The following U2AF2 variants were observed in gnomAD, a reference collection of about 807,000 sequenced individuals.
U2AF2 encodes the protein U2 small nuclear RNA auxiliary factor 2.
Under a neutral mutation model 52.6 loss-of-function variants are expected in U2AF2, and 6 were observed. The observed-to-expected ratio is 0.11, with a 90% CI of 0.06 to 0.23. The LOEUF (loss-of-function observed/expected upper bound fraction) is 0.23. U2AF2 is among the 10% of genes least tolerant of loss of function. The probability of loss-of-function intolerance (pLI) is 1.00; values close to 1 mark genes in which losing one functional copy is unlikely to be tolerated. For synonymous variants in U2AF2, 284 were observed against 258.2 expected (o/e 1.10, Z -0.96); for missense variants, 222 against 677.1 (o/e 0.33, Z 7.46).
Position 55,660,516 on chromosome 19 carries a change from T to TC in U2AF2, c.232dup (p.Arg78ProfsTer13). The TC allele has an allele frequency of 1.4e-6, 1 of 715,592 alleles. No homozygotes were observed. The highest frequency in any genetic ancestry group is 2.1e-6 in the Non-Finnish European group (1 of 483,074). 44.3% of individuals were successfully genotyped at this position (715,592 alleles called of 1,614,324 possible). On this transcript the variant is annotated frameshift_variant and splice_region_variant, in exon 4 of 12. Transcript: ENST00000308924. LOFTEE classifies it high-confidence loss of function. ...CGCTCTCCCCTCCCACCTCCCCCAG[T>TC]CGTTCCCCCCGCCACGAGAAGAAGA...
rs1457128147 is a variant in U2AF2, at chr19:55,655,076, T to C, written c.-29T>C. On this transcript the variant is annotated 5_prime_UTR_variant, in exon 1 of 12. Transcript: ENST00000308924. ...GCGGGCGGCAAGGCGAGGCGAAAGC[T>C]GCACAGGGCCCTACGCGGCCGCCTC... is the stretch of plus-strand genomic sequence containing the variant. 2 of 1,606,002 alleles carry C rather than the reference T, an allele frequency of 1.2e-6. No homozygotes were observed. Among genetic ancestry groups the C allele is most frequent in the East Asian group, 2.3e-5 (1 of 43,818 alleles).
At chr19:55,658,615 C>G (rs547179544) in intron 1 of U2AF2, among the ~76,000 whole-genome samples, 30 of 152,248 alleles carry the variant, frequency 2.0e-4, no homozygotes, top group Non-Finnish European at 3.5e-4. Context: ...GGCCTCTTTC[C>G]CCTTCAGTCT....
At chr19:55,664,874 T>C (rs554314878) in intron 7 of U2AF2, among the ~76,000 whole-genome samples, 9 of 152,036 alleles carry the variant, frequency 5.9e-5, no homozygotes, top group African/African-American at 1.2e-4. Context: ...CCTGCCACCA[T>C]GTCTGGCTAA....
At chr19:55,660,930 A>C in intron 4 of U2AF2, 108 bp from the exon 5 acceptor site, 2 of 1,474,486 alleles carry the variant, frequency 1.4e-6, no homozygotes, top group Non-Finnish European at 1.8e-6. Flanking sequence ...TAAGACCGAG[A>C]GCCTGTAGGA....
Position 55,659,181 on chromosome 19 carries a change from C to G in U2AF2, c.50-29C>G, listed in dbSNP as rs1983991059. On this transcript the variant is annotated intron_variant, in intron 1 of 11. Coordinates refer to ENST00000308924, the MANE Select transcript of U2AF2 (RefSeq NM_007279.3). ...GGGCCCGCATCCTTACTCCGCTTAT[C>G]CCGTGCCCCTCCTCTCACCCTTGCC... 2.0e-6 allele frequency: 3 copies of G among 1,521,682 alleles called. No homozygotes were observed. In the African/African-American group the frequency reaches 4.2e-5, roughly 21 times the overall value. The allele number at this position is 1,521,682 out of a possible 1,614,324, so 94.3% of individuals were successfully genotyped here.
Position 55,662,629 on chromosome 19 carries a change from GGAGT to G in U2AF2, c.603+19_603+22del, listed in dbSNP as rs751548861. The G allele has an allele frequency of 3.1e-6, 5 of 1,610,800 alleles. No individual in the cohort carries two copies. The South Asian group carries it at 5.5e-5, about 18-fold the overall frequency. On this transcript the variant is annotated intron_variant, in intron 6 of 11. Coordinates refer to ENST00000308924, the MANE Select transcript of U2AF2 (RefSeq NM_007279.3). The stretch of plus-strand genomic sequence containing the variant: ...TTTGCCTTTTTGGAGGTGAGCTGGG[GGAGT>G]GAGTGAGGTCCAGGAAACGTGTGTG...
intron 1 of U2AF2, 88 bp downstream of exon 1, chr19:55,655,241 C>T (rs978133491): frequency 6.3e-6 from 9 of 1,436,684 alleles, no homozygotes; most frequent in African/African-American, 4.4e-5. Context: ...TCGCTTCCCC[C>T]CACTTCACGG....
At chr19:55,667,937 T>C (rs760880588) in intron 7 of U2AF2, among the ~76,000 whole-genome samples, 7 of 152,092 alleles carry the variant, frequency 4.6e-5, no homozygotes, top group East Asian at 1.9e-4. Context: ...AGGTGCACGC[T>C]ACCACAGCCC....
chr19:55,655,202 C>T, intron 1 of U2AF2, 49 bp downstream of exon 1: 4 of 1,552,628 alleles, frequency 2.6e-6, no homozygotes, highest in Non-Finnish European at 3.5e-6. Context: ...CTCCTCGCGT[C>T]GCTCTTTGCC....
chr19:55,662,706 G>C, intron 6 of U2AF2, 88 bp downstream of exon 6: 3 of 1,227,752 alleles, frequency 2.4e-6, no homozygotes, highest in Non-Finnish European at 3.5e-6. Flanking sequence ...GCTGCCTTGT[G>C]CTGTTTCCAC....
chr19:55,669,293 C>G, intron 10 of U2AF2, 112 bp downstream of exon 10: 2 of 1,550,366 alleles, frequency 1.3e-6, no homozygotes, highest in Non-Finnish European at 8.7e-7. Context: ...ATTTGGGGGG[C>G]ATTCAGTGCA....
intron 11 of U2AF2, among the ~76,000 whole-genome samples, chr19:55,670,097 G>T (rs1474917993): frequency 1.3e-5 from 2 of 152,096 alleles, no homozygotes; most frequent in Non-Finnish European, 2.9e-5. Context: ...GGTGTCTCCT[G>T]TGTGCCAGGC....
At position 55,674,198 on chromosome 19, in the gene U2AF2, T is replaced by G; in HGVS notation, c.*130T>G. 4.3e-6 allele frequency: 1 copy of G among 233,532 alleles called. No homozygotes were observed. The highest frequency in any genetic ancestry group is 2.6e-4 in the East Asian group (1 of 3,860). The allele number at this position is 233,532 out of a possible 1,614,324, so 14.5% of individuals were successfully genotyped here. ...CAGACACACGACAGCCGGCAGCAAC[T>G]GGAATGGCAGCAATTAAGGGTGGGG... On this transcript the variant is annotated 3_prime_UTR_variant, in exon 12 of 12. Transcript: ENST00000308924.
chr19:55,662,157 T>G, intron 5 of U2AF2: 1 of 200,566 alleles, frequency 5.0e-6, no homozygotes, highest in Non-Finnish European at 1.0e-5. Flanking sequence ...TGTTTCGTGT[T>G]TTTCTTCATT....
At position 55,659,250 on chromosome 19, in the gene U2AF2, C is replaced by T. The variant is rs1983995897; in HGVS notation, c.90C>T (p.Ser30=). 1.2e-6 allele frequency: 2 copies of T among 1,602,048 alleles called. No individual in the cohort carries two copies. Among genetic ancestry groups the T allele is most frequent in the Middle Eastern group, 1.7e-4 (1 of 6,002 alleles). Residue 30 remains serine, a synonymous_variant, in exon 2 of 12, where the codon AGC becomes AGT. Transcript: ENST00000308924. Reference sequence around the variant, plus strand: ...ACCGGCATCGGAAGCGCAGCCACAGCCGCTCTCGGAGCCGGGACCGCAAAC... The same window carrying T: ...ACCGGCATCGGAAGCGCAGCCACAGTCGCTCTCGGAGCCGGGACCGCAAAC... ...KENRHRKRSH[S]RSRSRDRKRR...
chr19:55,670,137 C>T (rs1410038454), intron 11 of U2AF2, among the ~76,000 whole-genome samples: 1 of 152,026 alleles, frequency 6.6e-6, no homozygotes, highest in Non-Finnish European at 1.5e-5. Flanking sequence ...TGTGCTCACC[C>T]TGAGCCCTCC....
At chr19:55,659,180 T>G (rs924286655) in intron 1 of U2AF2, 30 bp from the exon 2 acceptor site, 1 of 1,518,342 alleles carries the variant, frequency 6.6e-7, no homozygotes, top group Middle Eastern at 1.8e-4. Context: ...ACTCCGCTTA[T>G]CCCGTGCCCC....
chr19:55,667,165 A>G (rs1984598442), intron 7 of U2AF2, among the ~76,000 whole-genome samples: 1 of 152,084 alleles, frequency 6.6e-6, no homozygotes, highest in South Asian at 2.1e-4. Flanking sequence ...CAGCGTCATC[A>G]TGGGCTGGAA....
chr19:55,663,904 C>A, intron 7 of U2AF2, 160 bp downstream of exon 7: 1 of 1,084,068 alleles, frequency 9.2e-7, no homozygotes. Flanking sequence ...GAGTGGGGTG[C>A]TCTCCTGCTG....
Sources: allele counts gnomAD v4.1 joint callset (sites outside exome capture counted in the v4.1 genomes callset), GRCh38; gene constraint gnomAD v4.1.1; transcripts MANE v1.5; gene names NCBI Gene and HGNC (gene_info 2026-07-23, HGNC 2026-07-21).